ACSM2B: variants seen among roughly 807,000 people sequenced by gnomAD.
ACSM2B encodes acyl-coenzyme A synthetase ACSM2B, mitochondrial.
ACSM2B carries 58 observed loss-of-function variants against 78.6 expected under a neutral mutation model. That is an observed-to-expected ratio of 0.74 (90% CI 0.60 to 0.92). The LOEUF is 0.92. Among genes scored for constraint, ACSM2B ranks in the 40% least tolerant of loss-of-function variants. ACSM2B has a pLI of 0.00. For missense variants in ACSM2B, 688 were observed against 711.2 expected (o/e 0.97, Z 0.37); for synonymous variants, 257 against 256.8 (o/e 1.00, Z -0.01).
rs540653016 is a variant in ACSM2B at position 20,561,643 on chromosome 16, C to T, written c.178-2196G>A. Among the ~76,000 whole-genome samples the T allele has an allele frequency of 3.1e-3, 466 of 152,026 alleles. 1 individual carries two copies. Among genetic ancestry groups the T allele is most frequent in the Admixed American group, 6.2e-3 (94 of 15,280 alleles). Reference sequence around the variant, plus strand: ...CTATGTCACTTTGCTCCTGCCCTTCCAATTCTCATGTCCTTCTCACATTGA... The same window carrying T: ...CTATGTCACTTTGCTCCTGCCCTTCTAATTCTCATGTCCTTCTCACATTGA... On this transcript the variant is annotated intron_variant, in intron 2 of 13. Transcript: ENST00000329697.
At chr16:20,552,771 C>T (rs1320963163) in intron 5 of ACSM2B, among the ~76,000 whole-genome samples, 1 of 152,148 alleles carries the variant, frequency 6.6e-6, no homozygotes, top group Admixed American at 6.6e-5. Flanking sequence ...GAACTCATCC[C>T]TTTTCTCTTT....
chr16:20,556,644 G>T (rs2015483349), intron 3 of ACSM2B, among the ~76,000 whole-genome samples: 1 of 152,046 alleles, frequency 6.6e-6, no homozygotes, highest in Non-Finnish European at 1.5e-5. Flanking sequence ...AACTACACAG[G>T]TTTCATTATT....
At chr16:20,552,082 A>G in intron 6 of ACSM2B, 62 bp downstream of exon 6, 4 of 1,528,992 alleles carry the variant, frequency 2.6e-6, no homozygotes, top group Non-Finnish European at 3.5e-6. Context: ...ACTACAAAAA[A>G]TTGAAGTGTG....
intron 1 of ACSM2B, among the ~76,000 whole-genome samples, chr16:20,567,779 A>T (rs926378818): frequency 1.1e-3 from 148 of 140,440 alleles, no homozygotes; most frequent in Middle Eastern, 7.2e-3. Context: ...GATATATATA[A>T]TATATAATAT....
intron 7 of ACSM2B, 101 bp from the exon 8 acceptor site, chr16:20,548,286 C>A (rs2015203430): frequency 3.1e-6 from 5 of 1,607,806 alleles, no homozygotes; most frequent in Non-Finnish European, 4.3e-6. Flanking sequence ...CAAATGGCTT[C>A]ATGGGGCTCT....
At chr16:20,560,557 AG>A (rs2015621122) in intron 2 of ACSM2B, among the ~76,000 whole-genome samples, 1 of 152,096 alleles carries the variant, frequency 6.6e-6, no homozygotes, top group Admixed American at 6.5e-5. Flanking sequence ...TACACTGTGC[AG>A]AACTTTGGGC....
rs888937959 is a variant in ACSM2B at position 20,576,209 on chromosome 16, G to T, written c.-11C>A. ...CCATTCCTTGAAACAGTGCTCACCTGCCAAGTCCTCTCAGGATGTCTTTCT... is the reference window on the plus strand; with the variant it reads ...CCATTCCTTGAAACAGTGCTCACCTTCCAAGTCCTCTCAGGATGTCTTTCT... On this transcript the variant is annotated splice_region_variant and 5_prime_UTR_variant, in exon 1 of 14. Transcript: ENST00000329697. 6.6e-6 allele frequency: 1 copy of T among 151,680 alleles called. No homozygotes were observed. The highest frequency in any genetic ancestry group is 2.4e-5 in the African/African-American group (1 of 41,064). 9.4% of individuals were successfully genotyped at this position (151,680 alleles called of 1,614,324 possible).
chr16:20,559,946 A>T (rs1031340555), intron 2 of ACSM2B, among the ~76,000 whole-genome samples: 3 of 150,970 alleles, frequency 2.0e-5, no homozygotes, highest in Admixed American at 2.0e-4. Context: ...TAAAAAGGCA[A>T]ATATCACTTT....
intron 1 of ACSM2B, among the ~76,000 whole-genome samples, chr16:20,570,073 C>G (rs1267025093): frequency 6.6e-6 from 1 of 151,798 alleles, no homozygotes; most frequent in African/African-American, 2.4e-5. Context: ...TCTGATTGAT[C>G]TGGCTAGGAC....
chr16:20,572,655 T>A (rs1339936291), intron 1 of ACSM2B, among the ~76,000 whole-genome samples: 1 of 150,650 alleles, frequency 6.6e-6, no homozygotes, highest in East Asian at 2.0e-4. Context: ...CCTTGATTAT[T>A]TCCTTGAATA....
intron 1 of ACSM2B, among the ~76,000 whole-genome samples, 188 bp from the exon 2 acceptor site, chr16:20,565,041 A>G (rs2015781590): frequency 6.6e-6 from 1 of 152,114 alleles, no homozygotes; most frequent in Non-Finnish European, 1.5e-5. Context: ...TTCTAAAGGC[A>G]TAAGAGGATA....
chr16:20,541,410 C>T (rs2014984755), intron 12 of ACSM2B: 1 of 152,186 alleles, frequency 6.6e-6, no homozygotes, highest in Admixed American at 6.5e-5. Flanking sequence ...CACTAGACCC[C>T]ATCTGAGCCT....
chr16:20,561,545 C>A (rs1304639835), intron 2 of ACSM2B, among the ~76,000 whole-genome samples: 4 of 151,910 alleles, frequency 2.6e-5, no homozygotes, highest in Admixed American at 2.6e-4. Context: ...ATCCAAATGT[C>A]TTCCACCAGG....
intron 3 of ACSM2B, among the ~76,000 whole-genome samples, chr16:20,555,735 C>A (rs553473440): frequency 2.6e-5 from 4 of 152,270 alleles, no homozygotes; most frequent in Admixed American, 2.0e-4. Context: ...TGTTGACAGT[C>A]TAAGACACAT....
chr16:20,545,985 T>A (rs112088203), intron 9 of ACSM2B, among the ~76,000 whole-genome samples: 9,418 of 152,276 alleles, frequency 0.062, 926 homozygotes, highest in African/African-American at 0.21. Context: ...AGTGGATACA[T>A]ACTATTTAAT....
At chr16:20,572,922 GT>G (rs1430632899) in intron 1 of ACSM2B, among the ~76,000 whole-genome samples, 75 of 147,648 alleles carry the variant, frequency 5.1e-4, no homozygotes, top group African/African-American at 1.7e-3. Flanking sequence ...AGTTATGATT[GT>G]TTTTATGTAT....
chr16:20,537,685 G>C (rs1015187853), intron 13 of ACSM2B, among the ~76,000 whole-genome samples: 1 of 152,176 alleles, frequency 6.6e-6, no homozygotes, highest in Admixed American at 6.5e-5. Context: ...TCTGGCTTTC[G>C]CCAGGTCCTT....
chr16:20,570,183 G>A (rs2016054674), intron 1 of ACSM2B, among the ~76,000 whole-genome samples: 1 of 151,808 alleles, frequency 6.6e-6, no homozygotes, highest in Admixed American at 6.6e-5. Flanking sequence ...TCACTATTAT[G>A]TTGCCTGTGG....
rs759022805 is a variant in ACSM2B, at chr16:20,564,791, A to T, written c.55T>A (p.Ser19Thr). 6.2e-7 allele frequency: 1 copy of T among 1,612,974 alleles called. No homozygotes were observed. ...GLCTLWGTQM[S>T]SRTLYINSRQ... ...CTATTAATGTAGAGAGTGCGGCTGG[A>T]CATCTGAGTACCCCACAGGGTGCAA... Residue 19 changes from serine (S) to threonine (T), a missense_variant, in exon 2 of 14, where the codon TCC (serine) becomes ACC (threonine). Coordinates refer to ENST00000329697, the MANE Select transcript of ACSM2B (RefSeq NM_001105069.2).
Sources: allele counts gnomAD v4.1 joint callset (sites outside exome capture counted in the v4.1 genomes callset), GRCh38; gene constraint gnomAD v4.1.1; transcripts MANE v1.5; gene names NCBI Gene and HGNC (gene_info 2026-07-23, HGNC 2026-07-21).